SLC38A6: variants seen among roughly 807,000 people sequenced by gnomAD.
SLC38A6 encodes the protein N system amino acid transporter NAT-1.
Under a neutral mutation model 65.0 loss-of-function variants are expected in SLC38A6, and 73 were observed. The ratio of observed to expected loss-of-function variants is 1.12; its 90% CI spans 0.93 to 1.37. The LOEUF is 1.37. Ranked by LOEUF, SLC38A6 falls within the 40% of genes most tolerant of loss-of-function variation. The probability of loss-of-function intolerance (pLI) is 0.00; values close to 1 mark genes in which losing one functional copy is unlikely to be tolerated. For missense variants in SLC38A6, 561 were observed against 531.1 expected, an observed-to-expected ratio of 1.06 and a Z score of -0.55; for synonymous variants, 183 against 178.8, an observed-to-expected ratio of 1.02 and a Z score of -0.19.
intron 3 of SLC38A6, among the ~76,000 whole-genome samples, chr14:61,003,033 TCTC>T (rs935751748): frequency 2.0e-5 from 3 of 151,900 alleles, no homozygotes; most frequent in South Asian, 2.1e-4. Context: ...TGAAAAAAAA[TCTC>T]CTGTTAGTAG....
intron 15 of SLC38A6, among the ~76,000 whole-genome samples, chr14:61,076,114 C>T (rs2043408017): frequency 6.6e-6 from 1 of 152,118 alleles, no homozygotes; most frequent in African/African-American, 2.4e-5. Flanking sequence ...CTTGGCCTCC[C>T]AAAGTGCTGG....
At chr14:61,016,000 A>G (rs758156879) in intron 4 of SLC38A6, 44 bp downstream of exon 4, 30 of 1,494,206 alleles carry the variant, frequency 2.0e-5, no homozygotes, top group Non-Finnish European at 2.5e-5. Context: ...CCAAAGTGGC[A>G]TTTTTCCTTT....
intron 16 of SLC38A6, among the ~76,000 whole-genome samples, chr14:61,083,363 G>A (rs2043732493): frequency 6.6e-6 from 1 of 152,200 alleles, no homozygotes; most frequent in Non-Finnish European, 1.5e-5. Context: ...TCATAGGGTG[G>A]TAGCCCCCTT....
chr14:61,021,521 A>T (rs1199297605), intron 5 of SLC38A6, among the ~76,000 whole-genome samples: 2 of 152,202 alleles, frequency 1.3e-5, no homozygotes, highest in African/African-American at 2.4e-5. Flanking sequence ...CCCTGAAAAC[A>T]TTCAAACAGA....
chr14:60,999,745 G>A (rs1365263964), intron 3 of SLC38A6, among the ~76,000 whole-genome samples: 1 of 152,186 alleles, frequency 6.6e-6, no homozygotes, highest in East Asian at 1.9e-4. Flanking sequence ...TGACCTCTGA[G>A]GCAGAGATTG....
intron 2 of SLC38A6, 138 bp from the exon 3 acceptor site, chr14:60,984,592 C>A: frequency 1.8e-6 from 1 of 554,366 alleles, no homozygotes; most frequent in Non-Finnish European, 3.3e-6. Context: ...TTCTTAATTT[C>A]CTTAATGAAC....
intron 6 of SLC38A6, among the ~76,000 whole-genome samples, chr14:61,034,936 C>T (rs935083782): frequency 6.6e-6 from 1 of 152,160 alleles, no homozygotes; most frequent in Admixed American, 6.6e-5. Context: ...AGGAAGTTGT[C>T]AGCACCCAAC....
chr14:61,026,042 A>C (rs1344703280), intron 5 of SLC38A6, among the ~76,000 whole-genome samples: 1 of 152,158 alleles, frequency 6.6e-6, no homozygotes, highest in Admixed American at 6.6e-5. Flanking sequence ...AATAGCTGTA[A>C]GTAATTCTGT....
intron 5 of SLC38A6, among the ~76,000 whole-genome samples, chr14:61,028,520 G>T (rs1043067241): frequency 5.9e-5 from 9 of 152,106 alleles, no homozygotes; most frequent in African/African-American, 2.2e-4. Flanking sequence ...GAGAAGGTTA[G>T]TCTAAACCTT....
chr14:61,078,895 C>T (rs560868578), exon 16 of SLC38A6: 5 of 187,866 alleles, frequency 2.7e-5, no homozygotes, highest in Non-Finnish European at 5.5e-5. Context: ...AGCAATCCTC[C>T]CACCTCAGCC....
In SLC38A6 at chr14:60,981,353, G is replaced by T. The variant is rs747053809; in HGVS notation, c.76G>T (p.Ala26Ser). The T allele has an allele frequency of 6.2e-7, 1 of 1,608,990 alleles. No homozygotes were observed. Among genetic ancestry groups the T allele is most frequent in the Admixed American group, 1.7e-5 (1 of 59,350 alleles). Residue 26 changes from alanine (A) to serine (S), a missense_variant, in exon 1 of 16, where the codon GCC (alanine) becomes TCC (serine). Transcript: ENST00000267488. ...VSVQQPEEAE[A>S]EELSPLLSNE... ...TGTCCAGCAGCCTGAAGAAGCGGAG[G>T]CCGAAGAGTTGAGTCCGTTGCTAAG...
At chr14:61,050,457 G>A in intron 12 of SLC38A6, 55 bp from the exon 13 acceptor site, 3 of 1,209,752 alleles carry the variant, frequency 2.5e-6, no homozygotes, top group South Asian at 2.6e-5. Context: ...AAACAATTTT[G>A]TTACTATTGA....
intron 3 of SLC38A6, among the ~76,000 whole-genome samples, chr14:61,010,595 A>T (rs1007541565): frequency 1.3e-5 from 2 of 152,214 alleles, no homozygotes; most frequent in Admixed American, 6.5e-5. Flanking sequence ...TCACCTTTCT[A>T]CATATGGCTA....
intron 5 of SLC38A6, among the ~76,000 whole-genome samples, chr14:61,025,643 GTAGA>G (rs1468077746): frequency 2.6e-5 from 4 of 152,198 alleles, no homozygotes; most frequent in Admixed American, 2.6e-4. Context: ...TTTCAGAACA[GTAGA>G]TATTTTGGTC....
chr14:61,005,625 G>A (rs2039049795), intron 3 of SLC38A6, among the ~76,000 whole-genome samples: 1 of 152,218 alleles, frequency 6.6e-6, no homozygotes, highest in African/African-American at 2.4e-5. Context: ...CAACTTAGAA[G>A]GGATGTGAAG....
chr14:61,077,532 A>G (rs927560006), intron 15 of SLC38A6, among the ~76,000 whole-genome samples: 3 of 152,252 alleles, frequency 2.0e-5, no homozygotes, highest in African/African-American at 7.2e-5. Flanking sequence ...TCCTAAGTTT[A>G]TATGATATAT....
downstream of SLC38A6, among the ~76,000 whole-genome samples, chr14:61,054,297 T>C (rs748880065): frequency 2.6e-5 from 4 of 152,186 alleles, no homozygotes; most frequent in Non-Finnish European, 5.9e-5. Flanking sequence ...TAGTTTGAAG[T>C]GGGTTCATGT....
In SLC38A6 at chr14:61,046,052, AT is replaced by A; in HGVS notation, c.825-10del. 6.6e-7 allele frequency: 1 copy of A among 1,519,738 alleles called. No homozygotes were observed. The highest frequency in any genetic ancestry group is 9.1e-7 in the Non-Finnish European group (1 of 1,098,922). The allele number at this position is 1,519,738 out of a possible 1,614,324, so 94.1% of individuals were successfully genotyped here. On this transcript the variant is annotated splice_polypyrimidine_tract_variant and intron_variant, in intron 11 of 15. Transcript: ENST00000267488. ...TCAGATCACTTATTCTACCTTTGTCATTTTTGTCTTTTAGTCCTTCAAAGAA... is the reference window on the plus strand; with the variant it reads ...TCAGATCACTTATTCTACCTTTGTCATTTTGTCTTTTAGTCCTTCAAAGAA...
chr14:61,030,377 G>T, intron 5 of SLC38A6, 68 bp from the exon 6 acceptor site: 1 of 1,206,098 alleles, frequency 8.3e-7, no homozygotes, highest in South Asian at 1.4e-5. Context: ...TCTTTTCCTA[G>T]ATGGATTATT....
Sources: allele counts gnomAD v4.1 joint callset (sites outside exome capture counted in the v4.1 genomes callset), GRCh38; gene constraint gnomAD v4.1.1; transcripts MANE v1.5; gene names NCBI Gene and HGNC (gene_info 2026-07-23, HGNC 2026-07-21).